TRUB1: variants seen among roughly 807,000 people sequenced by gnomAD.
TRUB1 encodes the protein pseudouridylate synthase TRUB1.
Under a neutral mutation model 33.9 loss-of-function variants are expected in TRUB1, and 23 were observed. The ratio of observed to expected loss-of-function variants is 0.68; its 90% CI spans 0.49 to 0.96. The LOEUF is 0.96. Among genes scored for constraint, TRUB1 ranks in the 40% least tolerant of loss-of-function variants. The pLI, the probability that TRUB1 is intolerant of heterozygous loss-of-function variation, is 0.00. For synonymous variants in TRUB1, 163 were observed against 165.4 expected, an observed-to-expected ratio of 0.99 and a Z score of 0.11; for missense variants, 378 against 422.2, an observed-to-expected ratio of 0.90 and a Z score of 0.92.
rs547111273 is a variant in TRUB1, at chr10:114,940,295, A to G, written c.286+1756A>G. Among the ~76,000 whole-genome samples, 20 of 151,828 alleles carry G rather than the reference A, an allele frequency of 1.3e-4. No homozygotes were observed. The South Asian group carries it at 4.2e-3, about 32-fold the overall frequency. ...CACCACCATGCCCAGCTAATTTTGTATTTTTGGTAGAGACGGGGTTTCTCC... is the reference window on the plus strand; with the variant it reads ...CACCACCATGCCCAGCTAATTTTGTGTTTTTGGTAGAGACGGGGTTTCTCC... On this transcript the variant is annotated intron_variant, in intron 1 of 7. Transcript: ENST00000298746.
Position 114,975,280 on chromosome 10 carries a change from T to C in TRUB1, c.951T>C (p.Leu317=). ...CTCTTTTCCCAGCAGAGTTGGCACTTAAAAAATCAAAACCTGAGTCTAATG... is the reference window on the plus strand; with the variant it reads ...CTCTTTTCCCAGCAGAGTTGGCACTCAAAAAATCAAAACCTGAGTCTAATG... ...CSSLFPAELA[L]KKSKPESNEQ... is the part of the protein sequence containing the mutation. The change falls in exon 8 of 8, where the codon CTT becomes CTC. Residue 317 remains leucine, a synonymous_variant. Coordinates refer to ENST00000298746, the MANE Select transcript of TRUB1 (RefSeq NM_139169.5). 1 of 1,613,552 alleles carries C rather than the reference T, an allele frequency of 6.2e-7. No individual in the cohort carries two copies. The highest frequency in any genetic ancestry group is 8.5e-7 in the Non-Finnish European group (1 of 1,179,658).
At chr10:114,963,992 C>T (rs1011249003) in intron 4 of TRUB1, among the ~76,000 whole-genome samples, 8 of 145,056 alleles carry the variant, frequency 5.5e-5, no homozygotes, top group Admixed American at 2.0e-4. Context: ...TGTGTGTGTG[C>T]GTGTGCACGT....
chr10:114,956,553 A>C (rs1157740561), intron 3 of TRUB1, among the ~76,000 whole-genome samples: 1 of 152,176 alleles, frequency 6.6e-6, no homozygotes, highest in Non-Finnish European at 1.5e-5. Flanking sequence ...TTATAACTAG[A>C]TGCCAGGACA....
chr10:114,952,873 T>C (rs750240041), intron 3 of TRUB1, among the ~76,000 whole-genome samples: 2 of 152,204 alleles, frequency 1.3e-5, no homozygotes, highest in Non-Finnish European at 2.9e-5. Flanking sequence ...CTCCCAAAGA[T>C]GAACAATGTT....
At chr10:114,953,393 T>C (rs1380301965) in intron 3 of TRUB1, among the ~76,000 whole-genome samples, 1 of 152,216 alleles carries the variant, frequency 6.6e-6, no homozygotes, top group Non-Finnish European at 1.5e-5. Flanking sequence ...TTTATGTACC[T>C]GTTAAAAGAA....
At chr10:114,951,610 T>C (rs2084235530) in intron 3 of TRUB1, among the ~76,000 whole-genome samples, 1 of 152,180 alleles carries the variant, frequency 6.6e-6, no homozygotes, top group East Asian at 1.9e-4. Flanking sequence ...TGTTCATATA[T>C]GAGAGTAACC....
intron 5 of TRUB1, 141 bp downstream of exon 5, chr10:114,970,581 G>A (rs561521051): frequency 1.1e-5 from 7 of 666,146 alleles, no homozygotes; most frequent in East Asian, 7.7e-5. Flanking sequence ...TTAAAGTGAA[G>A]GTGAGACAGG....
At position 114,977,058 on chromosome 10, in the gene TRUB1, G is replaced by T. The variant is rs1233816006; in HGVS notation, c.*1679G>T. 2 of 152,090 alleles carry T rather than the reference G, an allele frequency of 1.3e-5. No individual in the cohort carries two copies. Among genetic ancestry groups the T allele is most frequent in the African/African-American group, 4.8e-5 (2 of 41,420 alleles). The allele number at this position is 152,090 out of a possible 1,614,324, so 9.4% of individuals were successfully genotyped here. A position where few individuals can be genotyped will look rare whatever the true frequency, so the allele number is the denominator to read the frequency against. ...AGAACACATCAGAGGTATTTCTGCT[G>T]TATTTTTCACCTTAAAAATTGACAC... On this transcript the variant is annotated 3_prime_UTR_variant, in exon 8 of 8. Coordinates refer to ENST00000298746, the MANE Select transcript of TRUB1 (RefSeq NM_139169.5).
rs1429773768 is a variant in TRUB1, at chr10:114,951,943, C to T, written c.441+794C>T. Reference sequence around the variant, plus strand: ...ATTGTTGATAAAATGATTTTTGTTTCTTTAAAAAAATCTGTTGTCAAAGAC... The same window carrying T: ...ATTGTTGATAAAATGATTTTTGTTTTTTTAAAAAAATCTGTTGTCAAAGAC... On this transcript the variant is annotated intron_variant, in intron 3 of 7. Transcript: ENST00000298746. 2.0e-5 allele frequency among the ~76,000 whole-genome samples: 3 copies of T among 152,056 alleles called. No homozygotes were observed. The East Asian group carries it at 5.8e-4, about 29-fold the overall frequency.
At position 114,938,454 on chromosome 10, in the gene TRUB1, C is replaced by A; in HGVS notation, c.201C>A (p.Ser67=). ...CCGCTTTGGCTACCAAGCTGCTGTC[C>A]TTGAGCGGCGTGTTCGCCGTGCACA... ...SKAALATKLL[S]LSGVFAVHKP... The change falls in exon 1 of 8, where the codon TCC becomes TCA. Residue 67 remains serine (S), a synonymous_variant. Transcript: ENST00000298746. The A allele has an allele frequency of 6.3e-7, 1 of 1,595,650 alleles. No homozygotes were observed. The highest frequency in any genetic ancestry group is 1.3e-5 in the African/African-American group (1 of 74,726).
chr10:114,969,870 T>G (rs1315304356), intron 4 of TRUB1, among the ~76,000 whole-genome samples: 5 of 152,122 alleles, frequency 3.3e-5, no homozygotes, highest in Non-Finnish European at 5.9e-5. Context: ...TAAAACAGAT[T>G]TGAAATCTTA....
intron 5 of TRUB1, 104 bp downstream of exon 5, chr10:114,970,544 C>T: frequency 1.1e-6 from 1 of 883,824 alleles, no homozygotes; most frequent in Non-Finnish European, 1.8e-6. Context: ...TATGGCAAGG[C>T]AGGTTTTAAA....
chr10:114,972,208 C>G lies in TRUB1; in HGVS notation c.670C>G (p.Pro224Ala), dbSNP rs2084339928. 6.2e-7 allele frequency: 1 copy of G among 1,613,724 alleles called. No individual in the cohort carries two copies. The highest frequency in any genetic ancestry group is 8.5e-7 in the Non-Finnish European group (1 of 1,179,808). Residue 224 changes from proline to alanine, a missense_variant, in exon 6 of 8, where the codon CCT (proline) becomes GCT (alanine). Coordinates refer to ENST00000298746, the MANE Select transcript of TRUB1 (RefSeq NM_139169.5). The stretch of plus-strand genomic sequence containing the variant: ...GAGAGGTGAAGTCGTAGAAGCAAAA[C>G]CTGCCAGGCCAGTGACTGTATACAG... ...MKRGEVVEAKPARPVTVYSIS... is the reference protein window; with the variant it reads ...MKRGEVVEAKAARPVTVYSIS...
intron 3 of TRUB1, among the ~76,000 whole-genome samples, chr10:114,956,339 T>C (rs935652605): frequency 6.6e-6 from 1 of 152,178 alleles, no homozygotes; most frequent in African/African-American, 2.4e-5. Context: ...AAGCACAGAC[T>C]CTACGTAGAA....
At chr10:114,963,611 C>A (rs1410568047) in intron 4 of TRUB1, among the ~76,000 whole-genome samples, 1 of 152,186 alleles carries the variant, frequency 6.6e-6, no homozygotes, top group Admixed American at 6.5e-5. Flanking sequence ...TTACCCTGTC[C>A]TCCTTTTGCA....
At position 114,970,388 on chromosome 10, in the gene TRUB1, A is replaced by G; in HGVS notation, c.544A>G (p.Ile182Val). 14 of 1,612,458 alleles carry G rather than the reference A, an allele frequency of 8.7e-6. No homozygotes were observed. The highest frequency in any genetic ancestry group is 1.2e-5 in the Non-Finnish European group (14 of 1,178,804). Residue 182 changes from isoleucine to valine, a missense_variant, in exon 5 of 8, where the codon ATT (isoleucine) becomes GTT (valine). By Grantham distance (29) the Ile-to-Val change is conservative (BLOSUM62 3). Transcript: ENST00000298746. Reference protein sequence around the residue: ...KPYDKITQEDIEGILQKFTGN... With the variant: ...KPYDKITQEDVEGILQKFTGN... ...GGCAGATAAAATAACACAAGAAGATATTGAAGGCATTCTACAGAAATTTAC... is the reference window on the plus strand; with the variant it reads ...GGCAGATAAAATAACACAAGAAGATGTTGAAGGCATTCTACAGAAATTTAC...
chr10:114,939,190 A>G (rs1268645749), intron 1 of TRUB1, among the ~76,000 whole-genome samples: 1 of 152,196 alleles, frequency 6.6e-6, no homozygotes, highest in Non-Finnish European at 1.5e-5. Context: ...TGTTCATTTT[A>G]TTGATTCGTT....
chr10:114,977,153 A>G lies in TRUB1; in HGVS notation c.*1774A>G, dbSNP rs2084364828. Reference sequence around the variant, plus strand: ...AAACGATAGCCACTCTTTTTCTTTTATGTTTAAAACTGAAGTTTTGCCAAA... The same window carrying G: ...AAACGATAGCCACTCTTTTTCTTTTGTGTTTAAAACTGAAGTTTTGCCAAA... On this transcript the variant is annotated 3_prime_UTR_variant, in exon 8 of 8. Coordinates refer to ENST00000298746, the MANE Select transcript of TRUB1 (RefSeq NM_139169.5). 1 of 152,196 alleles carries G rather than the reference A, an allele frequency of 6.6e-6. No individual in the cohort carries two copies. Among genetic ancestry groups the G allele is most frequent in the Admixed American group, 6.5e-5 (1 of 15,276 alleles). 9.4% of individuals were successfully genotyped at this position (152,196 alleles called of 1,614,324 possible). A position where few individuals can be genotyped will look rare whatever the true frequency, so the allele number is the denominator to read the frequency against.
At chr10:114,940,446 C>T (rs1345572938) in intron 1 of TRUB1, among the ~76,000 whole-genome samples, 1 of 152,176 alleles carries the variant, frequency 6.6e-6, no homozygotes, top group Non-Finnish European at 1.5e-5. Flanking sequence ...AAGATACCTA[C>T]ATTCTAATGC....
Sources: gnomAD v4.1 joint callset for allele counts (sites outside exome capture counted in the v4.1 genomes callset) on GRCh38, gnomAD v4.1.1 for gene constraint, MANE v1.5 for transcripts, NCBI Gene and HGNC (gene_info 2026-07-23, HGNC 2026-07-21) for gene names.